Variants in PRKCE observed in about 807,000 individuals in gnomAD.
PRKCE encodes protein kinase C epsilon.
A neutral mutation model predicts 85.4 loss-of-function variants in PRKCE; 16 were observed. The observed-to-expected ratio is 0.19, with a 90% CI of 0.13 to 0.28. The LOEUF (loss-of-function observed/expected upper bound fraction) is 0.28, where lower values mean the gene tolerates loss of function less well. Among genes scored for constraint, PRKCE ranks in the 10% least tolerant of loss-of-function variants. PRKCE has a pLI of 1.00. For synonymous variants in PRKCE, 388 were observed against 371.5 expected (o/e 1.04, Z -0.51); for missense variants, 573 against 975.2 (o/e 0.59, Z 5.49).
intron 1 of PRKCE, among the ~76,000 whole-genome samples, chr2:45,809,652 G>A (rs1433399393): frequency 1.3e-5 from 2 of 151,902 alleles, no homozygotes; most frequent in Admixed American, 1.3e-4. Flanking sequence ...GGAAGGCTGA[G>A]GTGGGCGGAT....
chr2:46,042,863 G>A (rs1009063371), intron 10 of PRKCE, among the ~76,000 whole-genome samples: 7 of 152,180 alleles, frequency 4.6e-5, no homozygotes, highest in Middle Eastern at 3.2e-3. Flanking sequence ...CCCTGGTCAG[G>A]GTTTTGATTG....
At position 46,184,298 on chromosome 2, in the gene PRKCE, TG is replaced by T. The variant is rs1392877507; in HGVS notation, c.2068-433del. Among the ~76,000 whole-genome samples the T allele has an allele frequency of 2.6e-5, 4 of 152,060 alleles. No homozygotes were observed. The highest frequency in any genetic ancestry group is 6.5e-5 in the Admixed American group (1 of 15,268). On this transcript the variant is annotated intron_variant, in intron 14 of 14. Transcript: ENST00000306156. This position sits in a 1 kb window ranked among gnomAD's most constrained non-coding sequence, Gnocchi z 5.0. ...ACCTGGAGCAGATGTGGCCGGGTTA[TG>T]GGGAAGAAGGACCTCTGAGAGGGGA...
intron 10 of PRKCE, among the ~76,000 whole-genome samples, chr2:46,013,151 A>G (rs1352625267): frequency 2.0e-5 from 3 of 152,252 alleles, no homozygotes; most frequent in African/African-American, 7.2e-5. Flanking sequence ...TACTTATGAA[A>G]GGAACCTGAT....
At chr2:45,667,714 T>C (rs1675980594) in intron 1 of PRKCE, among the ~76,000 whole-genome samples, 1 of 152,052 alleles carries the variant, frequency 6.6e-6, no homozygotes, top group South Asian at 2.1e-4. Flanking sequence ...TATAAAAAAA[T>C]AGGGCAGAAA....
chr2:45,783,613 C>T (rs971440519), intron 1 of PRKCE, among the ~76,000 whole-genome samples: 1 of 152,208 alleles, frequency 6.6e-6, no homozygotes, highest in Non-Finnish European at 1.5e-5. Context: ...AATCCAACCT[C>T]CAGTGACAGA....
chr2:45,824,029 C>T (rs1390343600), intron 1 of PRKCE, among the ~76,000 whole-genome samples: 2 of 152,230 alleles, frequency 1.3e-5, no homozygotes, highest in Admixed American at 1.3e-4. Context: ...TTATGTCACA[C>T]ACCCTGCAGG....
At chr2:46,047,773 A>G (rs1355891503) in intron 10 of PRKCE, among the ~76,000 whole-genome samples, 1 of 152,204 alleles carries the variant, frequency 6.6e-6, no homozygotes. Flanking sequence ...AATACTTGGA[A>G]AAAAGATTTT....
At chr2:45,933,464 CTTTTTTTTTTTTTT>C (rs59991455) in intron 2 of PRKCE, among the ~76,000 whole-genome samples, 4 of 65,346 alleles carry the variant, frequency 6.1e-5, no homozygotes, top group African/African-American at 2.5e-4. Flanking sequence ...CATATGCCTG[CTTTTTTTTTTTTTT>C]TTTTTTTTTT....
intron 10 of PRKCE, among the ~76,000 whole-genome samples, chr2:46,040,385 T>G (rs1286664150): frequency 6.6e-6 from 1 of 152,202 alleles, no homozygotes; most frequent in Non-Finnish European, 1.5e-5. Context: ...GACAGACAGA[T>G]GGCAGAGCAC....
chr2:46,038,450 A>T (rs990998954), intron 10 of PRKCE, among the ~76,000 whole-genome samples: 3 of 152,092 alleles, frequency 2.0e-5, no homozygotes, highest in Admixed American at 6.6e-5. Context: ...CATGGGCAGG[A>T]TATCTCACGG....
chr2:45,764,760 T>C (rs1171596151), intron 1 of PRKCE, among the ~76,000 whole-genome samples: 1 of 152,218 alleles, frequency 6.6e-6, no homozygotes, highest in Non-Finnish European at 1.5e-5. Flanking sequence ...GGGTTACTAT[T>C]ATTTTTGAGC....
At chr2:46,055,457 A>C (rs1438485852) in intron 10 of PRKCE, among the ~76,000 whole-genome samples, 1 of 152,214 alleles carries the variant, frequency 6.6e-6, no homozygotes, top group Non-Finnish European at 1.5e-5. Context: ...CCCTGGTTCA[A>C]TTCAATCTCT....
chr2:46,010,689 A>G, intron 10 of PRKCE, 172 bp downstream of exon 10: 1 of 1,598,574 alleles, frequency 6.3e-7, no homozygotes, highest in Non-Finnish European at 8.5e-7. Flanking sequence ...TTTAGGGCAC[A>G]GGATTTTCCA....
At chr2:45,790,576 G>A (rs1686958754) in intron 1 of PRKCE, among the ~76,000 whole-genome samples, 1 of 152,208 alleles carries the variant, frequency 6.6e-6, no homozygotes, top group African/African-American at 2.4e-5. Flanking sequence ...AGGAAATGGG[G>A]CTGCAGGAAA....
In PRKCE at chr2:46,155,980, A is replaced by AT. The variant is rs1341073253; in HGVS notation, c.1921-3625dup. Among the ~76,000 whole-genome samples the AT allele has an allele frequency of 1.3e-5, 2 of 151,144 alleles. No homozygotes were observed. The highest frequency in any genetic ancestry group is 2.9e-5 in the Non-Finnish European group (2 of 67,912). Reference sequence around the variant, plus strand: ...TGTAACTAACCTGCACAATGTGCACATGTACCCTAAAACTTAAAGTATATA... The same window carrying AT: ...TGTAACTAACCTGCACAATGTGCACATTGTACCCTAAAACTTAAAGTATATA... On this transcript the variant is annotated intron_variant, in intron 13 of 14. Coordinates refer to ENST00000306156, the MANE Select transcript of PRKCE (RefSeq NM_005400.3). This position sits in a 1 kb window ranked among gnomAD's most constrained non-coding sequence, Gnocchi z 4.7.
At chr2:45,977,849 C>G (rs1180065341) in intron 3 of PRKCE, among the ~76,000 whole-genome samples, 1 of 152,168 alleles carries the variant, frequency 6.6e-6, no homozygotes, top group East Asian at 1.9e-4. Flanking sequence ...GCCTTTCTAG[C>G]AAGCTGTCTG....
chr2:46,024,193 G>T (rs974529093), intron 10 of PRKCE, among the ~76,000 whole-genome samples: 1 of 152,168 alleles, frequency 6.6e-6, no homozygotes, highest in African/African-American at 2.4e-5. Flanking sequence ...ACTTACGTGA[G>T]TTGCCCAGGG....
At chr2:45,906,374 T>C (rs1696975284) in intron 2 of PRKCE, among the ~76,000 whole-genome samples, 1 of 152,238 alleles carries the variant, frequency 6.6e-6, no homozygotes. Flanking sequence ...TAAACCCCTG[T>C]GGATCTTCAG....
chr2:45,831,460 G>A (rs1311349842), intron 1 of PRKCE, among the ~76,000 whole-genome samples: 4 of 152,196 alleles, frequency 2.6e-5, no homozygotes, highest in Admixed American at 2.6e-4. Context: ...TGTCCTCTGG[G>A]TACAATGTGG....
Sources: gnomAD v4.1 joint callset for allele counts (sites outside exome capture counted in the v4.1 genomes callset) on GRCh38, gnomAD v4.1.1 for gene constraint, Gnocchi (gnomAD v3.1) non-coding constraint, MANE v1.5 for transcripts, NCBI Gene and HGNC (gene_info 2026-07-23, HGNC 2026-07-21) for gene names.